The following INPP5A variants were observed in gnomAD, a reference collection of about 807,000 sequenced individuals.
INPP5A encodes 43 kDa inositol polyphosphate 5-phophatase.
A neutral mutation model predicts 65.2 loss-of-function variants in INPP5A; 14 were observed. The ratio of observed to expected loss-of-function variants is 0.21; its 90% CI spans 0.14 to 0.34. The LOEUF (loss-of-function observed/expected upper bound fraction) is 0.34, where lower values mean the gene tolerates loss of function less well. INPP5A is among the 10% of genes least tolerant of loss of function. INPP5A has a pLI of 1.00. For synonymous variants in INPP5A, 207 were observed against 208.3 expected (o/e 0.99, Z 0.05); for missense variants, 431 against 545.6 (o/e 0.79, Z 2.09).
intron 4 of INPP5A, among the ~76,000 whole-genome samples, chr10:132,654,011 AACCAGGGTGCGGGGC>A (rs2072616568): frequency 6.6e-6 from 1 of 152,228 alleles, no homozygotes. Flanking sequence ...AGATGTCTGA[AACCAGGGTGCGGGGC>A]ACCAGGGCGG....
At chr10:132,739,705 G>C (rs1846239855) in intron 9 of INPP5A, among the ~76,000 whole-genome samples, 1 of 152,214 alleles carries the variant, frequency 6.6e-6, no homozygotes, top group Non-Finnish European at 1.5e-5. Context: ...TAGGAAAGGA[G>C]TCTGGAGCCT....
chr10:132,599,632 A>G (rs1007023877), intron 1 of INPP5A, among the ~76,000 whole-genome samples: 6 of 152,236 alleles, frequency 3.9e-5, no homozygotes, highest in South Asian at 2.1e-4. Flanking sequence ...CATTGCCCCA[A>G]TAGAGACTCT....
At chr10:132,738,083 GACTC>G (rs1846209087) in intron 9 of INPP5A, among the ~76,000 whole-genome samples, 1 of 152,106 alleles carries the variant, frequency 6.6e-6, no homozygotes, top group African/African-American at 2.4e-5. Context: ...CTGTTTTTTG[GACTC>G]ACTCCTAAAT....
chr10:132,777,076 G>A (rs1219309106), intron 12 of INPP5A, among the ~76,000 whole-genome samples: 1 of 152,172 alleles, frequency 6.6e-6, no homozygotes, highest in Non-Finnish European at 1.5e-5. Flanking sequence ...CCGCCATGTG[G>A]CCAGCCCCAT....
intron 1 of INPP5A, among the ~76,000 whole-genome samples, chr10:132,569,775 AT>A (rs947795366): frequency 6.0e-5 from 9 of 149,902 alleles, no homozygotes; most frequent in African/African-American, 2.2e-4. Context: ...AAGTGCTGTG[AT>A]TACAGGTGTG....
At chr10:132,766,606 AGT>A (rs1846849921) in intron 12 of INPP5A, among the ~76,000 whole-genome samples, 1 of 152,078 alleles carries the variant, frequency 6.6e-6, no homozygotes, top group Admixed American at 6.5e-5. Flanking sequence ...TGTGAGCATG[AGT>A]GAGAGCATGA....
At chr10:132,577,694 A>G (rs551913916) in intron 1 of INPP5A, among the ~76,000 whole-genome samples, 2 of 152,246 alleles carry the variant, frequency 1.3e-5, no homozygotes, top group East Asian at 3.9e-4. Context: ...CCCTGAGGAG[A>G]TGGATGAGGT....
chr10:132,730,167 A>G (rs1590964199), intron 9 of INPP5A, among the ~76,000 whole-genome samples: 1 of 152,200 alleles, frequency 6.6e-6, no homozygotes, highest in South Asian at 2.1e-4. Flanking sequence ...GCCTGGGTCC[A>G]CCTGCCCTGT....
At chr10:132,612,499 C>T (rs1387180969) in intron 2 of INPP5A, among the ~76,000 whole-genome samples, 5 of 120,278 alleles carry the variant, frequency 4.2e-5, no homozygotes, top group Admixed American at 8.7e-5. Flanking sequence ...TTTGGGGGTT[C>T]GGGGAGGCTG....
chr10:132,776,073 C>T (rs144705016), intron 12 of INPP5A, among the ~76,000 whole-genome samples: 2,679 of 152,132 alleles, frequency 0.018, 41 homozygotes, highest in South Asian at 0.039. Context: ...CACTCGTGTC[C>T]GCGGTTGGGA....
chr10:132,562,146 G>A (rs2071214214), intron 1 of INPP5A, among the ~76,000 whole-genome samples: 1 of 152,274 alleles, frequency 6.6e-6, no homozygotes, highest in Non-Finnish European at 1.5e-5. Flanking sequence ...GCACCGTGAG[G>A]CTCACCTGCG....
At chr10:132,770,406 CTT>C (rs1222959866) in intron 12 of INPP5A, among the ~76,000 whole-genome samples, 1 of 152,272 alleles carries the variant, frequency 6.6e-6, no homozygotes, top group Non-Finnish European at 1.5e-5. Context: ...GGCTCTCCCT[CTT>C]TGTCTGTGTG....
At position 132,675,155 on chromosome 10, in the gene INPP5A, A is replaced by G. The variant is rs1371050898; in HGVS notation, c.307-15237A>G. ...ACTCATACCCAGTCAGATTATAACA[A>G]ATCAAGAAAACCATAGAGAGCATAG... On this transcript the variant is annotated intron_variant, in intron 4 of 15. Coordinates refer to ENST00000368594, the MANE Select transcript of INPP5A (RefSeq NM_005539.5). The surrounding 1 kb of genome is among the most constrained non-coding windows in gnomAD (Gnocchi z 4.2). Among the ~76,000 whole-genome samples the G allele has an allele frequency of 6.6e-6, 1 of 152,184 alleles. No homozygotes were observed. The highest frequency in any genetic ancestry group is 1.5e-5 in the Non-Finnish European group (1 of 68,030).
chr10:132,640,411 C>T (rs1326221929), intron 2 of INPP5A, among the ~76,000 whole-genome samples: 2 of 152,244 alleles, frequency 1.3e-5, no homozygotes, highest in East Asian at 3.8e-4. Context: ...TCCGGCTAGC[C>T]TGGGTTTCTT....
At chr10:132,564,960 C>T (rs886104585) in intron 1 of INPP5A, among the ~76,000 whole-genome samples, 8 of 152,204 alleles carry the variant, frequency 5.3e-5, no homozygotes, top group African/African-American at 1.7e-4. Context: ...TGCCACCCCG[C>T]TCCCCACAGC....
rs143350987 is a variant in INPP5A at position 132,627,406 on chromosome 10, G to A, written c.118-18462G>A. On this transcript the variant is annotated intron_variant, in intron 2 of 15. Coordinates refer to ENST00000368594, the MANE Select transcript of INPP5A (RefSeq NM_005539.5). The surrounding 1 kb of genome is among the most constrained non-coding windows in gnomAD (Gnocchi z 6.6). ...GAGGGTCTGTCCTGGCCGCTGAGCA[G>A]GTGGGTCTGGAGGGCGGTGGGGCTG... Among the ~76,000 whole-genome samples, 2,820 of 152,226 alleles carry A rather than the reference G, an allele frequency of 0.019. 36 individuals carry two copies. Among genetic ancestry groups the A allele is most frequent in the Non-Finnish European group, 0.028 (1,916 of 68,000 alleles).
chr10:132,625,447 G>A (rs10430616), intron 2 of INPP5A, among the ~76,000 whole-genome samples: 89,567 of 151,880 alleles, frequency 0.59, 26,864 homozygotes, highest in East Asian at 0.82. Flanking sequence ...ACACACCCCA[G>A]GCAGGATTCC....
intron 2 of INPP5A, among the ~76,000 whole-genome samples, chr10:132,617,333 C>T (rs2072051251): frequency 3.9e-5 from 6 of 152,212 alleles, no homozygotes; most frequent in Admixed American, 2.0e-4. Context: ...TCTCAGGGCC[C>T]TTCTGCCTCC....
At chr10:132,624,632 C>T (rs899019976) in intron 2 of INPP5A, among the ~76,000 whole-genome samples, 1 of 152,254 alleles carries the variant, frequency 6.6e-6, no homozygotes, top group Non-Finnish European at 1.5e-5. Flanking sequence ...TGGTGCCTGG[C>T]ATGTAGGCCG....
Sources: allele counts gnomAD v4.1 joint callset (sites outside exome capture counted in the v4.1 genomes callset), GRCh38; gene constraint gnomAD v4.1.1; non-coding constraint Gnocchi (gnomAD v3.1); transcripts MANE v1.5; gene names NCBI Gene and HGNC (gene_info 2026-07-23, HGNC 2026-07-21).